SGCD: variants seen among roughly 807,000 people sequenced by gnomAD.
SGCD encodes the protein sarcoglycan delta.
SGCD carries 18 observed loss-of-function variants against 36.6 expected under a neutral mutation model. That is an observed-to-expected ratio of 0.49 (90% CI 0.34 to 0.73). The LOEUF is 0.73. SGCD is among the 30% of genes least tolerant of loss of function. SGCD has a pLI of 0.01. For missense variants in SGCD, 387 were observed against 346.7 expected (o/e 1.12, Z -0.92); for synonymous variants, 133 against 130.6 (o/e 1.02, Z -0.12).
the SGCD span, among the ~76,000 whole-genome samples, chr5:155,758,531 A>G: frequency 6.6e-6 from 1 of 152,214 alleles, no homozygotes; most frequent in Non-Finnish European, 1.5e-5. Flanking sequence ...CCTGTTAGCA[A>G]CTGGGCTGCA....
intron 6 of SGCD, among the ~76,000 whole-genome samples, chr5:156,629,587 G>A (rs1239755131): frequency 6.6e-6 from 1 of 152,156 alleles, no homozygotes; most frequent in African/African-American, 2.4e-5. Flanking sequence ...ACAGCTAAGA[G>A]GATACAAAGA....
At chr5:155,739,133 T>C in the SGCD span, among the ~76,000 whole-genome samples, 1 of 152,206 alleles carries the variant, frequency 6.6e-6, no homozygotes, top group African/African-American at 2.4e-5. Context: ...ATTTTAACTT[T>C]GGGATGCTGG....
intron 4 of SGCD, among the ~76,000 whole-genome samples, chr5:156,549,807 A>T (rs1049032138): frequency 1.3e-5 from 2 of 152,210 alleles, no homozygotes; most frequent in Non-Finnish European, 2.9e-5. Context: ...TAACCATGGT[A>T]CCCAAACCCT....
intron 1 of SGCD, among the ~76,000 whole-genome samples, chr5:155,888,510 C>T (rs1292674959): frequency 6.6e-6 from 1 of 152,076 alleles, no homozygotes; most frequent in Non-Finnish European, 1.5e-5. Context: ...AATAGGGACG[C>T]AAAGAAGCAG....
chr5:156,693,495 T>C (rs1324431251), intron 7 of SGCD, among the ~76,000 whole-genome samples: 1 of 152,072 alleles, frequency 6.6e-6, no homozygotes, highest in Non-Finnish European at 1.5e-5. Flanking sequence ...TCTTGAGAAA[T>C]AGTTGAGAAG....
intron 7 of SGCD, among the ~76,000 whole-genome samples, chr5:156,653,493 C>CTGTTTTTTTTTTTTT (rs1763544872): frequency 2.1e-5 from 1 of 48,082 alleles, no homozygotes; most frequent in East Asian, 9.4e-4. Flanking sequence ...CTAAAGCTTG[C>CTGTTTTTTTTTTTTT]TTTTTTTTTT....
In SGCD at chr5:155,902,487, C is replaced by T. The variant is rs150323868; in HGVS notation, c.-282+32063C>T. ...TTTTATAACTGAAGAAGCACAGGTTCGTTACTTTTTTTTATCAGGGTCATA... is the reference window on the plus strand; with the variant it reads ...TTTTATAACTGAAGAAGCACAGGTTTGTTACTTTTTTTTATCAGGGTCATA... On this transcript the variant is annotated intron_variant, in intron 1 of 9. Coordinates refer to the SGCD transcript ENST00000517913. Among the ~76,000 whole-genome samples the T allele has an allele frequency of 7.9e-5, 12 of 151,890 alleles. No individual in the cohort carries two copies. In the East Asian group the frequency reaches 2.1e-3, roughly 27 times the overall value.
intron 7 of SGCD, among the ~76,000 whole-genome samples, chr5:156,717,372 C>A (rs1238178553): frequency 2.0e-5 from 3 of 152,208 alleles, no homozygotes; most frequent in African/African-American, 7.2e-5. Flanking sequence ...CCTACACTGT[C>A]ATTCTTCAAA....
chr5:156,137,091 G>A (rs1484654090), intron 3 of SGCD, among the ~76,000 whole-genome samples: 2 of 152,176 alleles, frequency 1.3e-5, no homozygotes, highest in African/African-American at 4.8e-5. Flanking sequence ...AATGATAGGA[G>A]CATTTTACCC....
chr5:156,044,528 T>G (rs1759716187), intron 1 of SGCD, among the ~76,000 whole-genome samples: 1 of 152,180 alleles, frequency 6.6e-6, no homozygotes. Flanking sequence ...GTCTTCCCCT[T>G]TTTAATCAGG....
the SGCD span, among the ~76,000 whole-genome samples, chr5:155,795,357 C>G: frequency 1.3e-5 from 2 of 152,034 alleles, no homozygotes; most frequent in African/African-American, 4.8e-5. Context: ...AATGCAGATA[C>G]ATTCTTGGAT....
At chr5:156,315,293 G>C (rs905634113) in intron 3 of SGCD, among the ~76,000 whole-genome samples, 1 of 150,126 alleles carries the variant, frequency 6.7e-6, no homozygotes, top group Non-Finnish European at 1.5e-5. Context: ...CCACATATAA[G>C]TAGAATCATG....
chr5:156,450,555 GAAAA>G lies in SGCD; in HGVS notation c.193-58041_193-58038del, dbSNP rs763669665. On this transcript the variant is annotated intron_variant, in intron 3 of 8. Transcript: ENST00000337851. ...ATTCATTAAAAAAAAAAAAAGAAAA[GAAAA>G]AAAAGTTAGATTAACTATGTATCTA... is the stretch of plus-strand genomic sequence containing the variant. 6.8e-5 allele frequency among the ~76,000 whole-genome samples: 10 copies of G among 147,602 alleles called. No homozygotes were observed. In the East Asian group the frequency reaches 1.6e-3, roughly 24 times the overall value.
At chr5:155,999,463 T>C (rs2127567450) in intron 1 of SGCD, among the ~76,000 whole-genome samples, 1 of 152,342 alleles carries the variant, frequency 6.6e-6, no homozygotes, top group South Asian at 2.1e-4. Flanking sequence ...GGGAGTTCAA[T>C]CATTTGTTTT....
At chr5:156,091,284 G>A (rs1279975725) in intron 1 of SGCD, among the ~76,000 whole-genome samples, 2 of 152,186 alleles carry the variant, frequency 1.3e-5, no homozygotes, top group African/African-American at 4.8e-5. Context: ...CACAATTTAT[G>A]TTCTTCTGCC....
intron 7 of SGCD, among the ~76,000 whole-genome samples, chr5:156,713,761 T>G (rs1755102667): frequency 6.6e-6 from 1 of 152,234 alleles, no homozygotes; most frequent in Admixed American, 6.5e-5. Context: ...TCTCAAAATA[T>G]GCCAAAGGAG....
intron 2 of SGCD, among the ~76,000 whole-genome samples, chr5:156,119,133 T>G (rs1352848158): frequency 2.0e-5 from 3 of 152,162 alleles, no homozygotes; most frequent in African/African-American, 7.2e-5. Flanking sequence ...CTTCTTCTAT[T>G]TGTGTGCCTT....
chr5:156,349,232 A>G (rs1044007686), intron 3 of SGCD, among the ~76,000 whole-genome samples: 10 of 152,094 alleles, frequency 6.6e-5, no homozygotes, highest in Admixed American at 6.5e-4. Flanking sequence ...AAACAAATGG[A>G]ACAAAAACAA....
At chr5:155,839,526 G>A in the SGCD span, among the ~76,000 whole-genome samples, 1 of 151,982 alleles carries the variant, frequency 6.6e-6, no homozygotes, top group Admixed American at 6.6e-5. Context: ...AGGAGTTTTG[G>A]GGTGCTGAGA....
Sources: gnomAD v4.1 joint callset for allele counts (sites outside exome capture counted in the v4.1 genomes callset) on GRCh38, gnomAD v4.1.1 for gene constraint, MANE v1.5 for transcripts, NCBI Gene and HGNC (gene_info 2026-07-23, HGNC 2026-07-21) for gene names.